Variants in ARMH3 observed in about 807,000 individuals in gnomAD.
The protein encoded by ARMH3 is armadillo like helical domain containing 3, also known as armadillo-like helical domain-containing protein 3.
ARMH3 carries 60 observed loss-of-function variants against 99.1 expected under a neutral mutation model. The ratio of observed to expected loss-of-function variants is 0.61; its 90% CI spans 0.49 to 0.75. ARMH3 has a LOEUF of 0.75. ARMH3 is among the 30% of genes least tolerant of loss of function. The pLI is 0.00. For missense variants in ARMH3, 679 were observed against 843.1 expected (o/e 0.81, Z 2.41); for synonymous variants, 285 against 292.8 (o/e 0.97, Z 0.27).
intron 23 of ARMH3, among the ~76,000 whole-genome samples, chr10:101,914,261 G>T (rs1342442201): frequency 1.3e-5 from 2 of 152,040 alleles, no homozygotes; most frequent in Admixed American, 1.3e-4. Flanking sequence ...GGCCAAGGCA[G>T]GAGGATCATG....
intron 1 of ARMH3, among the ~76,000 whole-genome samples, chr10:102,049,691 G>A (rs2067648626): frequency 6.6e-6 from 1 of 151,492 alleles, no homozygotes; most frequent in African/African-American, 2.4e-5. Flanking sequence ...GGGTAGCTGG[G>A]ACTACAGGCA....
At chr10:101,947,348 T>C (rs1461562276) in intron 22 of ARMH3, among the ~76,000 whole-genome samples, 1 of 151,834 alleles carries the variant, frequency 6.6e-6, no homozygotes, top group Admixed American at 6.6e-5. Context: ...AAAAATTCTA[T>C]ATCCAGCTGG....
chr10:102,013,185 G>A (rs1182855349), intron 9 of ARMH3, among the ~76,000 whole-genome samples: 1 of 152,184 alleles, frequency 6.6e-6, no homozygotes, highest in Non-Finnish European at 1.5e-5. Context: ...AGAAGATCCA[G>A]TTAGAATCTT....
intron 19 of ARMH3, among the ~76,000 whole-genome samples, chr10:101,985,315 C>CATATATATACAT (rs1846446669): frequency 6.8e-6 from 1 of 147,338 alleles, no homozygotes; most frequent in Non-Finnish European, 1.5e-5. Flanking sequence ...CATGTATATA[C>CATATATATACAT]ATATATATAT....
chr10:102,050,495 G>T (rs2067674676), intron 1 of ARMH3, among the ~76,000 whole-genome samples: 1 of 151,912 alleles, frequency 6.6e-6, no homozygotes, highest in Non-Finnish European at 1.5e-5. Flanking sequence ...TAAATAAAAA[G>T]ATTCAGTTAA....
intron 22 of ARMH3, among the ~76,000 whole-genome samples, chr10:101,955,116 T>G (rs1844970649): frequency 6.6e-6 from 1 of 152,194 alleles, no homozygotes; most frequent in African/African-American, 2.4e-5. Flanking sequence ...CAAACCACAC[T>G]AGGGTAACCT....
chr10:102,012,253 T>C (rs2066647202), intron 10 of ARMH3, among the ~76,000 whole-genome samples: 1 of 152,226 alleles, frequency 6.6e-6, no homozygotes, highest in Non-Finnish European at 1.5e-5. Context: ...TGAAAGATCC[T>C]GCCTGGCCCT....
rs1314832421 is a variant in ARMH3 at position 101,847,489 on chromosome 10, G to A, written c.*39C>T. 7 of 1,591,118 alleles carry A rather than the reference G, an allele frequency of 4.4e-6. No homozygotes were observed. The South Asian group carries it at 5.5e-5, about 13-fold the overall frequency. Reference sequence around the variant, plus strand: ...TCCCCCTCCAGCCCATGATCCTCATGGGTAAGGGCAGTCAGAGGCTGCTCA... The same window carrying A: ...TCCCCCTCCAGCCCATGATCCTCATAGGTAAGGGCAGTCAGAGGCTGCTCA... On this transcript the variant is annotated 3_prime_UTR_variant, in exon 26 of 26. Transcript: ENST00000370033.
chr10:102,020,991 AT>A (rs1395448288), intron 8 of ARMH3, among the ~76,000 whole-genome samples: 11 of 151,926 alleles, frequency 7.2e-5, no homozygotes, highest in African/African-American at 2.2e-4. Flanking sequence ...CAGGTGTATG[AT>A]TTTTTTACAG....
intron 23 of ARMH3, among the ~76,000 whole-genome samples, chr10:101,896,550 C>G (rs566705810): frequency 6.6e-6 from 1 of 152,272 alleles, no homozygotes; most frequent in South Asian, 2.1e-4. Flanking sequence ...ATGAACTGTA[C>G]ACTTTAAGTG....
At chr10:101,924,359 C>A (rs1049708909) in intron 23 of ARMH3, among the ~76,000 whole-genome samples, 1 of 149,818 alleles carries the variant, frequency 6.7e-6, no homozygotes. Context: ...TGCTTTTCTG[C>A]ATTGCTTTTT....
At chr10:101,984,449 G>GC (rs528242128) in intron 19 of ARMH3, among the ~76,000 whole-genome samples, 1 of 152,102 alleles carries the variant, frequency 6.6e-6, no homozygotes, top group African/African-American at 2.4e-5. Context: ...ACTAGATGCT[G>GC]CCCATACATG....
intron 23 of ARMH3, among the ~76,000 whole-genome samples, chr10:101,907,520 T>C (rs963404250): frequency 5.9e-5 from 9 of 152,084 alleles, no homozygotes; most frequent in South Asian, 2.1e-4. Context: ...TAGCTGGGAT[T>C]ACAGGCATGC....
chr10:101,884,796 A>AC (rs146479882), intron 24 of ARMH3, among the ~76,000 whole-genome samples: 13 of 151,600 alleles, frequency 8.6e-5, no homozygotes, highest in South Asian at 2.1e-4. Context: ...AAACAAACAA[A>AC]AAAAAACAGG....
In ARMH3 at chr10:102,052,816, C is replaced by T. The variant is rs145519686; in HGVS notation, c.-12+3269G>A. On this transcript the variant is annotated intron_variant, in intron 1 of 25. Transcript: ENST00000370033. ...TCAAAGCTGGTGCCAATACATTAAG[C>T]TCACCAGGTCTCTCACTTCCAGCTG... is the stretch of plus-strand genomic sequence containing the variant. Among the ~76,000 whole-genome samples, 147 of 152,162 alleles carry T rather than the reference C, an allele frequency of 9.7e-4. 2 individuals are homozygous for T. The highest frequency in any genetic ancestry group is 1.4e-3 in the Non-Finnish European group (93 of 68,010).
intron 20 of ARMH3, among the ~76,000 whole-genome samples, chr10:101,963,335 G>A (rs1845389448): frequency 6.6e-6 from 1 of 151,880 alleles, no homozygotes; most frequent in African/African-American, 2.4e-5. Context: ...ATTTCACTGT[G>A]TTAGCCAGGA....
intron 23 of ARMH3, among the ~76,000 whole-genome samples, chr10:101,932,968 C>T (rs1054014571): frequency 3.9e-5 from 6 of 152,134 alleles, no homozygotes; most frequent in African/African-American, 1.4e-4. Context: ...AGGCGGATTA[C>T]GAGGTCAGGA....
intron 13 of ARMH3, among the ~76,000 whole-genome samples, chr10:102,007,657 A>T (rs1371990989): frequency 1.1e-5 from 1 of 89,314 alleles, no homozygotes; most frequent in Non-Finnish European, 2.4e-5. Context: ...TGTCTCTACT[A>T]AAAAAAAAAA....
At chr10:101,956,752 G>C (rs778284189) in intron 21 of ARMH3, 29 bp from the exon 22 acceptor site, 1 of 1,609,130 alleles carries the variant, frequency 6.2e-7, no homozygotes, top group East Asian at 2.2e-5. Context: ...CCCATATATA[G>C]GCATCAGGCT....
Sources: gnomAD v4.1 joint callset for allele counts (sites outside exome capture counted in the v4.1 genomes callset) on GRCh38, gnomAD v4.1.1 for gene constraint, MANE v1.5 for transcripts, NCBI Gene and HGNC (gene_info 2026-07-23, HGNC 2026-07-21) for gene names.